The following SLC30A8 variants were observed in gnomAD, a reference collection of about 807,000 sequenced individuals.
The protein encoded by SLC30A8 is proton-coupled zinc antiporter SLC30A8.
In SLC30A8, 27 loss-of-function variants were observed where a neutral mutation model predicts 36.9. The observed-to-expected ratio is 0.73, with a 90% confidence interval of 0.54 to 1.01. SLC30A8 has a LOEUF of 1.01. Among genes scored for constraint, SLC30A8 ranks in the 50% least tolerant of loss-of-function variants. SLC30A8 has a pLI of 0.00. For missense variants in SLC30A8, 439 were observed against 452.0 expected (o/e 0.97, Z 0.26); for synonymous variants, 164 against 172.4 (o/e 0.95, Z 0.38).
intron 1 of SLC30A8, among the ~76,000 whole-genome samples, chr8:117,143,006 C>T (rs1821727761): frequency 6.6e-6 from 1 of 152,040 alleles, no homozygotes; most frequent in Non-Finnish European, 1.5e-5. Context: ...CCCCTTCTAA[C>T]AGGAATAGTG....
chr8:117,097,936 T>A lies in SLC30A8; in HGVS notation c.-225-37344T>A, dbSNP rs1424138874. Among the ~76,000 whole-genome samples the A allele has an allele frequency of 9.7e-3, 1,075 of 110,372 alleles. 57 individuals carry two copies. Among genetic ancestry groups the A allele is most frequent in the African/African-American group, 0.034 (855 of 25,292 alleles). The allele number at this position is 110,372 out of a possible 152,430, so 72.4% of individuals were successfully genotyped here. A position where few individuals can be genotyped will look rare whatever the true frequency, so the allele number is the denominator to read the frequency against. ...ATTTTAAATAAATATATATATTATA[T>A]ATAATATATAATTTTAAATAAATAT... On this transcript the variant is annotated intron_variant, in intron 2 of 10. Coordinates refer to the SLC30A8 transcript ENST00000427715.
chr8:117,163,858 G>T, intron 6 of SLC30A8: 1 of 177,298 alleles, frequency 5.6e-6, no homozygotes, highest in Non-Finnish European at 1.2e-5. Context: ...TTACCCCCCA[G>T]GCTGCATTAG....
rs554473311 is a variant in SLC30A8, at chr8:116,953,633, A to G, written c.-266+2514A>G. Among the ~76,000 whole-genome samples, 43 of 152,198 alleles carry G rather than the reference A, an allele frequency of 2.8e-4. No individual in the cohort carries two copies. In the South Asian group the frequency reaches 7.3e-3, roughly 26 times the overall value. On this transcript the variant is annotated intron_variant, in intron 1 of 10. Coordinates refer to the SLC30A8 transcript ENST00000427715. ...GGAACTTGCAGCTTTCTAGGGTTCT[A>G]TGTGGGCAATTTTGCTTGCTTCTTA...
chr8:116,983,870 G>A (rs1815355914), intron 1 of SLC30A8, among the ~76,000 whole-genome samples: 1 of 152,204 alleles, frequency 6.6e-6, no homozygotes, highest in South Asian at 2.1e-4. Flanking sequence ...GTGTTTGTGT[G>A]TGTGCAGTCC....
intron 2 of SLC30A8, among the ~76,000 whole-genome samples, chr8:117,112,527 T>C (rs1820275389): frequency 2.0e-5 from 3 of 152,112 alleles, no homozygotes; most frequent in Admixed American, 2.0e-4. Flanking sequence ...AAGCCCCGGC[T>C]CTAATTTCAG....
At chr8:117,001,312 C>G (rs910428452) in intron 1 of SLC30A8, among the ~76,000 whole-genome samples, 3 of 144,288 alleles carry the variant, frequency 2.1e-5, no homozygotes, top group Non-Finnish European at 4.5e-5. Context: ...CAAGGGGCAT[C>G]TTTTATGAAG....
intron 4 of SLC30A8, among the ~76,000 whole-genome samples, chr8:117,161,206 C>A (rs1329774938): frequency 6.6e-6 from 1 of 152,168 alleles, no homozygotes; most frequent in Non-Finnish European, 1.5e-5. Flanking sequence ...CATCATTGGA[C>A]AGTAAGAAAT....
At chr8:117,090,502 A>T (rs1819070592) in intron 2 of SLC30A8, among the ~76,000 whole-genome samples, 1 of 152,174 alleles carries the variant, frequency 6.6e-6, no homozygotes, top group African/African-American at 2.4e-5. Flanking sequence ...GCACTGGCAG[A>T]TTTGTTGTCT....
intron 1 of SLC30A8, among the ~76,000 whole-genome samples, chr8:117,140,385 C>T (rs1033635861): frequency 2.0e-5 from 3 of 152,046 alleles, no homozygotes; most frequent in African/African-American, 7.2e-5. Context: ...TTAATCTACA[C>T]ATTCATGATG....
In SLC30A8 at chr8:117,147,171, C is replaced by CT. The variant is rs35343819; in HGVS notation, c.271+24dup. 4 of 1,608,792 alleles carry CT rather than the reference C, an allele frequency of 2.5e-6. No homozygotes were observed. Among genetic ancestry groups the CT allele is most frequent in the Non-Finnish European group, 3.4e-6 (4 of 1,176,690 alleles). On this transcript the variant is annotated intron_variant, in intron 2 of 7. Transcript: ENST00000456015. ...GGTCGTGGGTGAGTCTTTCTGCAGACTTTTTTCATTAAACAACCAAACAAA... is the reference window on the plus strand; with the variant it reads ...GGTCGTGGGTGAGTCTTTCTGCAGACTTTTTTTCATTAAACAACCAAACAAA...
chr8:117,032,055 C>T, intron 1 of SLC30A8, among the ~76,000 whole-genome samples: 1 of 152,158 alleles, frequency 6.6e-6, no homozygotes, highest in Non-Finnish European at 1.5e-5. Context: ...GTTGTATGCT[C>T]CCAAGCCTTT....
intron 1 of SLC30A8, among the ~76,000 whole-genome samples, chr8:117,142,558 C>T (rs1168043661): frequency 1.3e-5 from 2 of 152,100 alleles, no homozygotes; most frequent in Non-Finnish European, 2.9e-5. Context: ...CAGGGGACAC[C>T]TATGTAGTTT....
chr8:116,970,504 C>A (rs997849726), intron 1 of SLC30A8, among the ~76,000 whole-genome samples: 1 of 152,134 alleles, frequency 6.6e-6, no homozygotes, highest in Admixed American at 6.6e-5. Flanking sequence ...ATGTGCTATA[C>A]TTTTATACGA....
intron 1 of SLC30A8, among the ~76,000 whole-genome samples, chr8:116,984,551 T>C (rs1395776150): frequency 6.6e-6 from 1 of 152,178 alleles, no homozygotes; most frequent in Non-Finnish European, 1.5e-5. Flanking sequence ...TTGCATGTGA[T>C]GTTAAACGTC....
At chr8:117,128,116 C>T (rs567097826) in intron 2 of SLC30A8, among the ~76,000 whole-genome samples, 1 of 152,130 alleles carries the variant, frequency 6.6e-6, no homozygotes, top group East Asian at 2.0e-4. Context: ...CCTGAGTTAT[C>T]TCCTAGGGCT....
At chr8:117,164,525 G>A (rs963647506) in intron 6 of SLC30A8, among the ~76,000 whole-genome samples, 6 of 152,272 alleles carry the variant, frequency 3.9e-5, no homozygotes, top group Middle Eastern at 3.4e-3. Context: ...AGTGAGCCGA[G>A]ATGGCACAAC....
At chr8:117,110,947 A>G (rs1409498366) in intron 2 of SLC30A8, among the ~76,000 whole-genome samples, 1 of 152,102 alleles carries the variant, frequency 6.6e-6, no homozygotes, top group Admixed American at 6.6e-5. Context: ...ATTGTAGGCA[A>G]GTCCATGAAA....
At chr8:116,986,019 T>C (rs1483047432) in intron 1 of SLC30A8, among the ~76,000 whole-genome samples, 2 of 152,118 alleles carry the variant, frequency 1.3e-5, no homozygotes, top group Non-Finnish European at 2.9e-5. Context: ...TTCCACTTTC[T>C]CATGCTAATA....
intron 2 of SLC30A8, among the ~76,000 whole-genome samples, chr8:117,090,899 T>C (rs1331519685): frequency 6.6e-6 from 1 of 152,190 alleles, no homozygotes. Flanking sequence ...AATGTCTTAT[T>C]GGTTTTATTG....
Sources: allele counts gnomAD v4.1 joint callset (sites outside exome capture counted in the v4.1 genomes callset), GRCh38; gene constraint gnomAD v4.1.1; transcripts MANE v1.5; gene names NCBI Gene and HGNC (gene_info 2026-07-23, HGNC 2026-07-21).